The following ACTR3C variants were observed in gnomAD, a reference collection of about 807,000 sequenced individuals.
ACTR3C encodes actin related protein 3C.
Under a neutral mutation model 26.3 loss-of-function variants are expected in ACTR3C, and 18 were observed. The observed-to-expected ratio is 0.68, with a 90% CI of 0.47 to 1.01. ACTR3C has a LOEUF of 1.01. ACTR3C is among the 50% of genes least tolerant of loss of function. The pLI is 0.00. For missense variants in ACTR3C, 184 were observed against 250.7 expected (o/e 0.73, Z 1.80); for synonymous variants, 55 against 94.5 (o/e 0.58, Z 2.42).
At chr7:150,153,020 C>A in the ACTR3C span, among the ~76,000 whole-genome samples, 1 of 152,070 alleles carries the variant, frequency 6.6e-6, no homozygotes, top group Non-Finnish European at 1.5e-5. Context: ...CTATTTGATT[C>A]TTCTCTCTTT....
At chr7:150,044,207 A>G in the ACTR3C span, among the ~76,000 whole-genome samples, 1 of 152,192 alleles carries the variant, frequency 6.6e-6, no homozygotes, top group South Asian at 2.1e-4. Context: ...ATGTTCAAGC[A>G]GGCGGATGAC....
the ACTR3C span, among the ~76,000 whole-genome samples, chr7:150,026,538 T>C: frequency 6.8e-6 from 1 of 146,916 alleles, no homozygotes; most frequent in African/African-American, 2.5e-5. Context: ...AATTCACTTA[T>C]TGGGAATGGT....
the ACTR3C span, among the ~76,000 whole-genome samples, chr7:149,911,868 A>C: frequency 1.3e-5 from 2 of 152,006 alleles, no homozygotes; most frequent in Non-Finnish European, 2.9e-5. Flanking sequence ...AAGTTACTTT[A>C]CCTATCTGTA....
At chr7:150,247,897 G>A (rs1425248095) in intron 7 of ACTR3C, 1 of 152,216 alleles carries the variant, frequency 6.6e-6, no homozygotes, top group Non-Finnish European at 1.5e-5. Context: ...CTTCCTCTGT[G>A]AGTCAAAGCT....
At chr7:149,891,492 C>T in the ACTR3C span, 2 of 339,558 alleles carry the variant, frequency 5.9e-6, no homozygotes, top group Non-Finnish European at 1.1e-5. Context: ...TTCATATTCT[C>T]CTCCACTCAT....
chr7:150,034,050 G>C, the ACTR3C span, among the ~76,000 whole-genome samples: 1 of 151,388 alleles, frequency 6.6e-6, no homozygotes, highest in East Asian at 2.0e-4. Flanking sequence ...AAGAGGGGTT[G>C]GCTCTGAGTC....
intron 6 of ACTR3C, among the ~76,000 whole-genome samples, chr7:150,256,745 C>G (rs1012013732): frequency 6.7e-6 from 1 of 148,876 alleles, no homozygotes; most frequent in Non-Finnish European, 1.5e-5. Flanking sequence ...GCATGTACCC[C>G]CAAACCTAAA....
intron 3 of ACTR3C, among the ~76,000 whole-genome samples, chr7:150,291,916 G>A (rs1234527955): frequency 6.6e-6 from 1 of 151,572 alleles, no homozygotes; most frequent in East Asian, 1.9e-4. Flanking sequence ...CTCCCCACAG[G>A]AAGGACACAT....
the ACTR3C span, among the ~76,000 whole-genome samples, chr7:150,033,568 G>C: frequency 1.3e-5 from 2 of 152,146 alleles, no homozygotes; most frequent in Non-Finnish European, 2.9e-5. Flanking sequence ...GGTGGAAGAG[G>C]GGCTGGCTCT....
the ACTR3C span, among the ~76,000 whole-genome samples, chr7:149,949,582 G>T: frequency 6.8e-6 from 1 of 147,618 alleles, no homozygotes; most frequent in Non-Finnish European, 1.5e-5. Context: ...ATGGACGAGA[G>T]AATGAGAACT....
the ACTR3C span, among the ~76,000 whole-genome samples, chr7:150,108,288 TAA>T: frequency 6.7e-6 from 1 of 149,598 alleles, no homozygotes; most frequent in Non-Finnish European, 1.5e-5. Flanking sequence ...AGAGATATTA[TAA>T]GTGTCAAAGA....
the ACTR3C span, chr7:149,909,846 C>G: frequency 9.7e-6 from 5 of 516,888 alleles, no homozygotes; most frequent in African/African-American, 1.0e-4. Flanking sequence ...AAAAAACAAA[C>G]TTGTGATCAC....
the ACTR3C span, among the ~76,000 whole-genome samples, chr7:150,177,368 T>C: frequency 1.3e-5 from 2 of 150,768 alleles, no homozygotes; most frequent in Admixed American, 6.6e-5. Flanking sequence ...TTGAAGAAGA[T>C]TATATATTGT....
the ACTR3C span, chr7:150,002,076 T>C: frequency 3.3e-5 from 5 of 152,284 alleles, no homozygotes; most frequent in African/African-American, 1.2e-4. Flanking sequence ...GTGCATCTGC[T>C]GTGCACGTCA....
chr7:150,197,552 C>G, the ACTR3C span, among the ~76,000 whole-genome samples: 1 of 152,126 alleles, frequency 6.6e-6, no homozygotes, highest in Non-Finnish European at 1.5e-5. Flanking sequence ...GTGTAACCCT[C>G]CAGCTCTTCC....
chr7:150,136,222 T>TAG, the ACTR3C span, among the ~76,000 whole-genome samples: 5 of 152,112 alleles, frequency 3.3e-5, no homozygotes, highest in African/African-American at 1.2e-4. Flanking sequence ...TGTGCCCAGG[T>TAG]AGATGGCCGG....
At chr7:150,169,450 A>T in the ACTR3C span, among the ~76,000 whole-genome samples, 1 of 149,134 alleles carries the variant, frequency 6.7e-6, no homozygotes, top group Non-Finnish European at 1.5e-5. Flanking sequence ...TCTCTACCTT[A>T]TGAGGATACA....
At chr7:149,991,944 G>C in the ACTR3C span, among the ~76,000 whole-genome samples, 65 of 146,696 alleles carry the variant, frequency 4.4e-4, no homozygotes, top group African/African-American at 1.6e-3. Flanking sequence ...CACACACAGA[G>C]GTGTGCCACC....
chr7:150,149,902 T>G, the ACTR3C span, among the ~76,000 whole-genome samples: 2 of 152,260 alleles, frequency 1.3e-5, no homozygotes, highest in Non-Finnish European at 2.9e-5. Context: ...GGATTTTATA[T>G]GTGCACACTG....
Sources: gnomAD v4.1 joint callset for allele counts (sites outside exome capture counted in the v4.1 genomes callset) on GRCh38, gnomAD v4.1.1 for gene constraint, MANE v1.5 for transcripts, NCBI Gene and HGNC (gene_info 2026-07-23, HGNC 2026-07-21) for gene names.